Variants in TAB2 observed in about 807,000 individuals in gnomAD.
TAB2 encodes TGF-beta-activated kinase 1 and MAP3K7-binding protein 2.
A neutral mutation model predicts 65.0 loss-of-function variants in TAB2; 3 were observed. The observed-to-expected ratio is 0.05, with a 90% CI of 0.02 to 0.12. The LOEUF (loss-of-function observed/expected upper bound fraction) is 0.12, where lower values mean the gene tolerates loss of function less well. Ranked by LOEUF, TAB2 falls within the 10% of genes least tolerant of loss-of-function variation. The probability of loss-of-function intolerance (pLI) is 1.00; values close to 1 mark genes in which losing one functional copy is unlikely to be tolerated. For synonymous variants in TAB2, 298 were observed against 285.1 expected, an observed-to-expected ratio of 1.05 and a Z score of -0.46; for missense variants, 623 against 840.3, an observed-to-expected ratio of 0.74 and a Z score of 3.20.
At chr6:149,347,712 C>T (rs180805420) in intron 1 of TAB2, among the ~76,000 whole-genome samples, 22 of 151,828 alleles carry the variant, frequency 1.4e-4, no homozygotes, top group Admixed American at 1.3e-3. Flanking sequence ...AATATAATTC[C>T]AATAATTTAC....
rs375936507 is a variant in TAB2, at chr6:149,279,606, G to A, written c.-121+60830G>A. Among the ~76,000 whole-genome samples, 254 of 152,274 alleles carry A rather than the reference G, an allele frequency of 1.7e-3. 1 individual carries two copies. The Middle Eastern group carries it at 0.017, about 10-fold the overall frequency. ...CGGAAGCTGCCAAACATACTACAAC[G>A]CACAGGAATATCTGGCCCGAAATAT... On this transcript the variant is annotated intron_variant, in intron 1 of 1. Coordinates refer to the TAB2 transcript ENST00000606202.
intron 1 of TAB2, among the ~76,000 whole-genome samples, chr6:149,335,956 T>C (rs1262255929): frequency 6.6e-6 from 1 of 152,148 alleles, no homozygotes; most frequent in African/African-American, 2.4e-5. Flanking sequence ...TCACATACTT[T>C]GCTGCTTTCT....
At chr6:149,235,876 AG>A (rs1777485578) in intron 1 of TAB2, among the ~76,000 whole-genome samples, 1 of 152,218 alleles carries the variant, frequency 6.6e-6, no homozygotes, top group Non-Finnish European at 1.5e-5. Context: ...TGACTTCCAC[AG>A]GGGGAGGACA....
At chr6:149,306,544 C>G (rs1779073920) in intron 1 of TAB2, among the ~76,000 whole-genome samples, 1 of 128,806 alleles carries the variant, frequency 7.8e-6, no homozygotes, top group East Asian at 2.2e-4. Context: ...GGCGACAGAG[C>G]AAGACTCCGT....
chr6:149,287,112 A>C (rs965520513), intron 1 of TAB2, among the ~76,000 whole-genome samples: 6 of 152,174 alleles, frequency 3.9e-5, no homozygotes, highest in Non-Finnish European at 8.8e-5. Context: ...GCAAGACTCC[A>C]TCTCAAAAAC....
At chr6:149,289,987 T>G (rs932339394) in intron 1 of TAB2, among the ~76,000 whole-genome samples, 2 of 152,114 alleles carry the variant, frequency 1.3e-5, no homozygotes, top group East Asian at 3.8e-4. Flanking sequence ...GAGAAAGGAA[T>G]GTCTGGTCAT....
At chr6:149,237,047 C>T (rs1316759511) in intron 1 of TAB2, among the ~76,000 whole-genome samples, 3 of 152,054 alleles carry the variant, frequency 2.0e-5, no homozygotes, top group African/African-American at 7.2e-5. Flanking sequence ...ATTTGCATGG[C>T]GATCCCCTCC....
upstream of TAB2, among the ~76,000 whole-genome samples, chr6:149,317,199 G>A (rs1368322242): frequency 6.6e-6 from 1 of 151,990 alleles, no homozygotes; most frequent in East Asian, 1.9e-4. The surrounding 1 kb of genome is among the most constrained non-coding windows in gnomAD (Gnocchi z 4.7). Flanking sequence ...GGCCCCCGTG[G>A]CGGGAGGTGG....
At chr6:149,277,253 T>C (rs1248700984) in intron 1 of TAB2, among the ~76,000 whole-genome samples, 1 of 152,214 alleles carries the variant, frequency 6.6e-6, no homozygotes, top group Non-Finnish European at 1.5e-5. Flanking sequence ...ATTGCAGTTT[T>C]GTGTGTAATA....
chr6:149,348,398 G>A (rs1405250979), intron 1 of TAB2, among the ~76,000 whole-genome samples: 1 of 151,114 alleles, frequency 6.6e-6, no homozygotes, highest in Non-Finnish European at 1.5e-5. Flanking sequence ...CAGAAAGAGA[G>A]AGAAGGAAAG....
intron 1 of TAB2, among the ~76,000 whole-genome samples, chr6:149,359,387 A>G (rs1042488626): frequency 2.0e-5 from 3 of 152,124 alleles, no homozygotes; most frequent in Admixed American, 2.0e-4. Context: ...TTTGGATTCC[A>G]CACCTGTGCA....
intron 1 of TAB2, among the ~76,000 whole-genome samples, chr6:149,350,878 TAAA>T (rs951208104): frequency 6.6e-6 from 1 of 152,170 alleles, no homozygotes; most frequent in African/African-American, 2.4e-5. Context: ...TGACATATAT[TAAA>T]ACCTTATTAG....
At chr6:149,369,152 T>A (rs541750420) in intron 1 of TAB2, among the ~76,000 whole-genome samples, 1 of 152,280 alleles carries the variant, frequency 6.6e-6, no homozygotes, top group East Asian at 1.9e-4. Context: ...TTAATGTACT[T>A]ATCTCCTATT....
At chr6:149,340,924 G>A (rs1780101780) in intron 1 of TAB2, among the ~76,000 whole-genome samples, 1 of 152,126 alleles carries the variant, frequency 6.6e-6, no homozygotes, top group Non-Finnish European at 1.5e-5. Context: ...TAGAGAGGGT[G>A]TAATCTGATC....
At chr6:149,285,866 G>A (rs954697633) in intron 1 of TAB2, among the ~76,000 whole-genome samples, 1 of 152,150 alleles carries the variant, frequency 6.6e-6, no homozygotes, top group Admixed American at 6.6e-5. Context: ...GATTCATGAG[G>A]TCATGGGGCC....
chr6:149,275,071 A>G (rs1218992227), intron 1 of TAB2, among the ~76,000 whole-genome samples: 12 of 151,260 alleles, frequency 7.9e-5, no homozygotes, highest in Non-Finnish European at 2.9e-5. Context: ...GGAGGTGTGG[A>G]CTGATATTGT....
chr6:149,296,227 G>A (rs909768200), intron 1 of TAB2, among the ~76,000 whole-genome samples: 4 of 152,180 alleles, frequency 2.6e-5, no homozygotes, highest in South Asian at 2.1e-4. Flanking sequence ...GGATTTGAAC[G>A]GAGCTGGTTG....
At chr6:149,219,754 G>T (rs549232708) in intron 1 of TAB2, among the ~76,000 whole-genome samples, 6 of 152,240 alleles carry the variant, frequency 3.9e-5, no homozygotes, top group African/African-American at 1.2e-4. Context: ...TATCCTGACT[G>T]GCCAGATTCT....
chr6:149,381,999 C>A (rs562736135), intron 3 of TAB2, among the ~76,000 whole-genome samples: 2 of 152,272 alleles, frequency 1.3e-5, no homozygotes, highest in African/African-American at 4.8e-5. Flanking sequence ...ACTCAGCATC[C>A]AGGGAGATAC....
Sources: allele counts gnomAD v4.1 joint callset (sites outside exome capture counted in the v4.1 genomes callset), GRCh38; gene constraint gnomAD v4.1.1; non-coding constraint Gnocchi (gnomAD v3.1); transcripts MANE v1.5; gene names NCBI Gene and HGNC (gene_info 2026-07-23, HGNC 2026-07-21).